Variants in LAP3 observed in about 807,000 individuals in gnomAD.
LAP3 encodes the protein leucine aminopeptidase 3.
LAP3 carries 46 observed loss-of-function variants against 58.8 expected under a neutral mutation model. The observed-to-expected ratio is 0.78, with a 90% CI of 0.62 to 1.00. LAP3 has a LOEUF of 1.00. LAP3 is among the 50% of genes least tolerant of loss of function. The probability of loss-of-function intolerance (pLI) is 0.00; values close to 1 mark genes in which losing one functional copy is unlikely to be tolerated. For synonymous variants in LAP3, 257 were observed against 237.7 expected, an observed-to-expected ratio of 1.08 and a Z score of -0.75; for missense variants, 615 against 659.1, an observed-to-expected ratio of 0.93 and a Z score of 0.73.
intron 4 of LAP3, 46 bp downstream of exon 4, chr4:17,582,439 T>C (rs1713390132): frequency 1.4e-6 from 2 of 1,407,694 alleles, no homozygotes; most frequent in East Asian, 2.4e-5. Flanking sequence ...ATCCACTCTT[T>C]TTGATGACCT....
In LAP3 at chr4:17,603,737, C is replaced by G. The variant is rs191553622; in HGVS notation, c.1181-851C>G. On this transcript the variant is annotated intron_variant, in intron 10 of 12. Transcript: ENST00000226299. ...CCATGTTGGTCAGGCTCGTCTCAAA[C>G]TCCCAACCTCAGGTGATCCACCCGC... 4.0e-4 allele frequency among the ~76,000 whole-genome samples: 60 copies of G among 151,850 alleles called. 1 individual carries two copies. In the East Asian group the frequency reaches 0.01, roughly 27 times the overall value.
intron 5 of LAP3, chr4:17,584,668 T>C (rs1489085564): frequency 4.9e-6 from 1 of 202,030 alleles, no homozygotes; most frequent in East Asian, 1.1e-4. Flanking sequence ...ATGTGGTAGA[T>C]TTAGAGCTTC....
chr4:17,582,968 A>G (rs1169085185), intron 4 of LAP3, among the ~76,000 whole-genome samples: 1 of 152,248 alleles, frequency 6.6e-6, no homozygotes, highest in Non-Finnish European at 1.5e-5. Context: ...AGGCCTGTGT[A>G]TATTATAAAT....
intron 1 of LAP3, among the ~76,000 whole-genome samples, chr4:17,578,418 C>T (rs1713269155): frequency 6.6e-6 from 1 of 152,140 alleles, no homozygotes; most frequent in Admixed American, 6.5e-5. Context: ...GCAGAGTTAC[C>T]AATGCCAAGG....
chr4:17,582,517 T>G (rs890249917), intron 4 of LAP3, 124 bp downstream of exon 4: 1 of 701,486 alleles, frequency 1.4e-6, no homozygotes, highest in Non-Finnish European at 2.4e-6. Context: ...ATAATTCATC[T>G]TAACAAAAAT....
At chr4:17,603,226 T>C (rs1311734551) in intron 10 of LAP3, among the ~76,000 whole-genome samples, 1 of 151,842 alleles carries the variant, frequency 6.6e-6, no homozygotes, top group Non-Finnish European at 1.5e-5. Flanking sequence ...GAGAATGGCA[T>C]GAACCCGGGA....
At chr4:17,586,970 G>T (rs900086903) in intron 6 of LAP3, among the ~76,000 whole-genome samples, 4 of 152,178 alleles carry the variant, frequency 2.6e-5, no homozygotes, top group Non-Finnish European at 4.4e-5. Context: ...GCTGGGAGTG[G>T]TGGTGCGTGC....
intron 8 of LAP3, among the ~76,000 whole-genome samples, chr4:17,596,606 T>C (rs949969221): frequency 2.0e-5 from 3 of 152,236 alleles, no homozygotes; most frequent in African/African-American, 7.2e-5. Context: ...CTCAAAATGC[T>C]GGGATTACAG....
chr4:17,589,227 A>T (rs1052388626), intron 7 of LAP3, among the ~76,000 whole-genome samples: 1 of 151,638 alleles, frequency 6.6e-6, no homozygotes, highest in Non-Finnish European at 1.5e-5. Context: ...CACCCAGCTA[A>T]TTTTTGCATT....
intron 6 of LAP3, among the ~76,000 whole-genome samples, chr4:17,587,116 T>C (rs1375547054): frequency 1.3e-5 from 2 of 152,122 alleles, no homozygotes; most frequent in African/African-American, 4.8e-5. Flanking sequence ...AAAAAAAGAC[T>C]GGAGCCTAAG....
intron 10 of LAP3, among the ~76,000 whole-genome samples, chr4:17,599,043 T>G (rs1013196781): frequency 2.6e-5 from 4 of 151,818 alleles, no homozygotes; most frequent in African/African-American, 9.7e-5. Context: ...TGGCCTAATT[T>G]TTATATTTTA....
At chr4:17,584,540 C>T (rs888597921) in intron 5 of LAP3, among the ~76,000 whole-genome samples, 2 of 152,210 alleles carry the variant, frequency 1.3e-5, no homozygotes, top group Non-Finnish European at 2.9e-5. Flanking sequence ...TCTTCAGTTG[C>T]CACGTTAGAG....
At chr4:17,585,209 C>G (rs950208534) in intron 6 of LAP3, 73 bp downstream of exon 6, 3 of 1,291,248 alleles carry the variant, frequency 2.3e-6, no homozygotes, top group Non-Finnish European at 2.2e-6. Flanking sequence ...AAATCCAGCT[C>G]CCTCACTTTT....
chr4:17,607,488 ACC>A lies in LAP3; in HGVS notation c.1460_1461del (p.Thr487LysfsTer4). 6.2e-7 allele frequency: 1 copy of A among 1,614,134 alleles called. No homozygotes were observed. The highest frequency in any genetic ancestry group is 2.2e-5 in the East Asian group (1 of 44,880). On this transcript the variant is annotated frameshift_variant, in exon 13 of 13. Transcript: ENST00000226299. LOFTEE classifies it high-confidence loss of function. ...ACATTTAGACATAGCAGGCGTGATG[ACC>A]AACAAAGATGAAGTTCCCTATCTAC... ...WAHLDIAGVM[T>X]NKDEVPYLRK...
chr4:17,599,738 A>G (rs1370623587), intron 10 of LAP3, among the ~76,000 whole-genome samples: 3 of 145,462 alleles, frequency 2.1e-5, no homozygotes, highest in African/African-American at 7.7e-5. Context: ...AACTTTTTAT[A>G]CTTGATGTCA....
intron 4 of LAP3, 131 bp from the exon 5 acceptor site, chr4:17,583,352 A>T (rs745330383): frequency 3.0e-5 from 27 of 906,872 alleles, no homozygotes; most frequent in Non-Finnish European, 4.1e-5. Context: ...GAGGCTCAGA[A>T]CATTCGGGTA....
At chr4:17,602,618 A>G (rs918385585) in intron 10 of LAP3, among the ~76,000 whole-genome samples, 3 of 152,168 alleles carry the variant, frequency 2.0e-5, no homozygotes, top group African/African-American at 7.2e-5. Context: ...TTAAATTATG[A>G]TATCTCCATC....
intron 7 of LAP3, among the ~76,000 whole-genome samples, chr4:17,593,752 A>G (rs377394269): frequency 2.5e-4 from 38 of 151,420 alleles, no homozygotes; most frequent in African/African-American, 8.7e-4. Context: ...AGCTGGGACT[A>G]CAGATGCGAA....
intron 6 of LAP3, 65 bp from the exon 7 acceptor site, chr4:17,588,754 C>G: frequency 6.8e-7 from 1 of 1,467,706 alleles, no homozygotes. Context: ...CTGTGATGAG[C>G]TTTTTCTGTT....
Sources: gnomAD v4.1 joint callset for allele counts (sites outside exome capture counted in the v4.1 genomes callset) on GRCh38, gnomAD v4.1.1 for gene constraint, MANE v1.5 for transcripts, NCBI Gene and HGNC (gene_info 2026-07-23, HGNC 2026-07-21) for gene names.